The following UBE2B variants were observed in gnomAD, a reference collection of about 807,000 sequenced individuals.
The protein encoded by UBE2B is ubiquitin conjugating enzyme E2 B.
UBE2B carries 11 observed loss-of-function variants against 24.6 expected under a neutral mutation model. That is an observed-to-expected ratio of 0.45 (90% CI 0.28 to 0.74). The LOEUF is 0.74. UBE2B is among the 30% of genes least tolerant of loss of function. The pLI is 0.13. For missense variants in UBE2B, 78 were observed against 185.6 expected, an observed-to-expected ratio of 0.42 and a Z score of 3.37; for synonymous variants, 68 against 62.4, an observed-to-expected ratio of 1.09 and a Z score of -0.42.
At chr5:134,374,714 C>G in intron 2 of UBE2B, 1 of 451,890 alleles carries the variant, frequency 2.2e-6, no homozygotes, top group Non-Finnish European at 4.0e-6. Context: ...CAGTGAGACT[C>G]TGTCCCCTCC....
chr5:134,376,619 A>G, intron 2 of UBE2B, 50 bp from the exon 3 acceptor site: 1 of 1,596,130 alleles, frequency 6.3e-7, no homozygotes, highest in Non-Finnish European at 8.6e-7. Context: ...GAAAATCAAG[A>G]AAAAGCAGAA....
chr5:134,390,637 C>A lies in UBE2B; in HGVS notation c.*284C>A. ...TGGAGTTTTCATGACAGAATATACA[C>A]ATTTTGTAAATCTGTACTTTTTTCA... On this transcript the variant is annotated 3_prime_UTR_variant, in exon 6 of 6. Coordinates refer to ENST00000265339, the MANE Select transcript of UBE2B (RefSeq NM_003337.4). The surrounding 1 kb of genome is among the most constrained non-coding windows in gnomAD (Gnocchi z 4.6). 1 of 291,336 alleles carries A rather than the reference C, an allele frequency of 3.4e-6. No homozygotes were observed. Among genetic ancestry groups the A allele is most frequent in the Non-Finnish European group, 6.6e-6 (1 of 152,006 alleles). 18.0% of individuals were successfully genotyped at this position (291,336 alleles called of 1,614,324 possible). A position where few individuals can be genotyped will look rare whatever the true frequency, so the allele number is the denominator to read the frequency against.
Position 134,380,752 on chromosome 5 carries a change from A to G in UBE2B, c.185A>G (p.Glu62Gly). The G allele has an allele frequency of 6.3e-7, 1 of 1,589,248 alleles. No individual in the cohort carries two copies. Among genetic ancestry groups the G allele is most frequent in the South Asian group, 1.1e-5 (1 of 90,400 alleles). ...AAACTAGTAATAGAATTTTCTGAAG[A>G]ATATCCAAATAAACCACCAACTGTT... ...TFKLVIEFSEEYPNKPPTVRF... is the reference protein window; with the variant it reads ...TFKLVIEFSEGYPNKPPTVRF... Residue 62 changes from glutamate to glycine, a missense_variant, in exon 4 of 6, where the codon GAA becomes GGA. Coordinates refer to ENST00000265339, the MANE Select transcript of UBE2B (RefSeq NM_003337.4).
chr5:134,376,733 G>A (rs1249779475), intron 3 of UBE2B, 39 bp downstream of exon 3: 14 of 1,569,036 alleles, frequency 8.9e-6, no homozygotes, highest in Non-Finnish European at 1.2e-5. Flanking sequence ...GTGTTATGAG[G>A]TTACTTTTTA....
intron 2 of UBE2B, chr5:134,374,711 ACT>A: frequency 2.2e-6 from 1 of 456,566 alleles, no homozygotes; most frequent in African/African-American, 2.0e-5. Context: ...AGACAGTGAG[ACT>A]CTGTCCCCTC....
chr5:134,378,404 C>T (rs1172584903), intron 3 of UBE2B, among the ~76,000 whole-genome samples: 2 of 152,030 alleles, frequency 1.3e-5, no homozygotes, highest in East Asian at 1.9e-4. Flanking sequence ...GGATTACAGA[C>T]ATGTGCTACC....
intron 1 of UBE2B, among the ~76,000 whole-genome samples, chr5:134,372,757 A>G (rs1249827716): frequency 6.6e-6 from 1 of 152,162 alleles, no homozygotes; most frequent in Non-Finnish European, 1.5e-5. Flanking sequence ...TTTGCTTGAG[A>G]TTGACTAAAA....
chr5:134,384,342 C>G (rs372665609), intron 4 of UBE2B, among the ~76,000 whole-genome samples: 1 of 151,968 alleles, frequency 6.6e-6, no homozygotes, highest in African/African-American at 2.4e-5. Context: ...CTTTTTCCTT[C>G]TAGCTGCCTT....
chr5:134,390,602 A>C lies in UBE2B; in HGVS notation c.*249A>C. The C allele has an allele frequency of 2.4e-6, 1 of 415,208 alleles. No individual in the cohort carries two copies. The highest frequency in any genetic ancestry group is 7.2e-4 in the Middle Eastern group (1 of 1,394). The allele number at this position is 415,208 out of a possible 1,614,324, so 25.7% of individuals were successfully genotyped here. ...TGTTTGTATTTTTTTCCAAGTGTAT[A>C]ATGTTGGTGTGGAGTTTTCATGACA... is the stretch of plus-strand genomic sequence containing the variant. On this transcript the variant is annotated 3_prime_UTR_variant, in exon 6 of 6. Coordinates refer to ENST00000265339, the MANE Select transcript of UBE2B (RefSeq NM_003337.4). The surrounding 1 kb of genome is among the most constrained non-coding windows in gnomAD (Gnocchi z 4.6).
chr5:134,391,130 C>T lies in UBE2B; in HGVS notation c.*777C>T, dbSNP rs1272742783. The T allele has an allele frequency of 1.3e-5, 2 of 152,628 alleles. No individual in the cohort carries two copies. Among genetic ancestry groups the T allele is most frequent in the Non-Finnish European group, 2.9e-5 (2 of 68,042 alleles). 9.5% of individuals were successfully genotyped at this position (152,628 alleles called of 1,614,324 possible). A position where few individuals can be genotyped will look rare whatever the true frequency, so the allele number is the denominator to read the frequency against. ...CAGAGAACTGATGCGACTTGTTTTGCTGCTTGGTAGCACTTTAAAAAATTT... is the reference window on the plus strand; with the variant it reads ...CAGAGAACTGATGCGACTTGTTTTGTTGCTTGGTAGCACTTTAAAAAATTT... On this transcript the variant is annotated 3_prime_UTR_variant, in exon 6 of 6. Transcript: ENST00000265339.
intron 3 of UBE2B, among the ~76,000 whole-genome samples, chr5:134,378,560 G>A (rs1364751122): frequency 6.6e-6 from 1 of 152,146 alleles, no homozygotes; most frequent in Non-Finnish European, 1.5e-5. Context: ...CCGAGTATCT[G>A]TCTTTTTAAT....
chr5:134,379,070 T>C (rs1758657163), intron 3 of UBE2B, among the ~76,000 whole-genome samples: 1 of 152,214 alleles, frequency 6.6e-6, no homozygotes, highest in African/African-American at 2.4e-5. Flanking sequence ...GTGTTACCTG[T>C]TGTGATTTTT....
intron 1 of UBE2B, among the ~76,000 whole-genome samples, chr5:134,372,998 C>T (rs769483740): frequency 2.6e-5 from 4 of 152,180 alleles, no homozygotes; most frequent in Non-Finnish European, 5.9e-5. Flanking sequence ...GTCGCCCTGG[C>T]TCCTTACTGT....
At chr5:134,381,318 C>T (rs906555124) in intron 4 of UBE2B, among the ~76,000 whole-genome samples, 2 of 152,134 alleles carry the variant, frequency 1.3e-5, no homozygotes, top group African/African-American at 4.8e-5. Flanking sequence ...TGCAGTGGTA[C>T]AGTCACAGTT....
chr5:134,372,914 T>C (rs1487059103), intron 1 of UBE2B, among the ~76,000 whole-genome samples: 6 of 152,250 alleles, frequency 3.9e-5, no homozygotes, highest in Admixed American at 1.3e-4. Context: ...AAAAGTCATC[T>C]TTCTAAAGCT....
chr5:134,390,063 C>A lies in UBE2B; in HGVS notation c.331-162C>A. The A allele has an allele frequency of 1.3e-6, 1 of 796,452 alleles. No homozygotes were observed. The highest frequency in any genetic ancestry group is 2.0e-6 in the Non-Finnish European group (1 of 493,656). 49.3% of individuals were successfully genotyped at this position (796,452 alleles called of 1,614,324 possible). A position where few individuals can be genotyped will look rare whatever the true frequency, so the allele number is the denominator to read the frequency against. ...CAGCAGGAAACCCCATAGTATTTATCAAATCATTTCTAAAAGTATTTAGAC... is the reference window on the plus strand; with the variant it reads ...CAGCAGGAAACCCCATAGTATTTATAAAATCATTTCTAAAAGTATTTAGAC... On this transcript the variant is annotated intron_variant, in intron 5 of 5. Coordinates refer to ENST00000265339, the MANE Select transcript of UBE2B (RefSeq NM_003337.4). This position sits in a 1 kb window ranked among gnomAD's most constrained non-coding sequence, Gnocchi z 4.6.
chr5:134,374,895 T>G (rs1312012036), intron 2 of UBE2B, among the ~76,000 whole-genome samples: 1 of 152,030 alleles, frequency 6.6e-6, no homozygotes, highest in Non-Finnish European at 1.5e-5. Context: ...TGTGCCATGA[T>G]TGTGCCACTG....
chr5:134,372,904 A>C (rs1758507911), intron 1 of UBE2B, among the ~76,000 whole-genome samples: 1 of 152,224 alleles, frequency 6.6e-6, no homozygotes. Context: ...TTTTTGGTGC[A>C]AAAGTCATCT....
intron 3 of UBE2B, among the ~76,000 whole-genome samples, chr5:134,376,991 T>C (rs1427087405): frequency 2.0e-5 from 3 of 152,204 alleles, no homozygotes; most frequent in African/African-American, 7.2e-5. Context: ...ATCTCTGAGG[T>C]GAACACCAGA....
Sources: allele counts gnomAD v4.1 joint callset (sites outside exome capture counted in the v4.1 genomes callset), GRCh38; gene constraint gnomAD v4.1.1; non-coding constraint Gnocchi (gnomAD v3.1); transcripts MANE v1.5; gene names NCBI Gene and HGNC (gene_info 2026-07-23, HGNC 2026-07-21).